The following GFM2 variants were observed in gnomAD, a reference collection of about 807,000 sequenced individuals.
GFM2 encodes the protein GTP dependent ribosome recycling factor mitochondrial 2.
In GFM2, 72 loss-of-function variants were observed where a neutral mutation model predicts 95.4. That is an observed-to-expected ratio of 0.76 (90% CI 0.62 to 0.92). GFM2 has a LOEUF of 0.92. Ranked by LOEUF, GFM2 falls within the 40% of genes least tolerant of loss-of-function variation. GFM2 has a pLI of 0.00. For synonymous variants in GFM2, 276 were observed against 317.5 expected (o/e 0.87, Z 1.39); for missense variants, 825 against 924.1 (o/e 0.89, Z 1.39).
rs749644606 is a variant in GFM2 at position 74,730,388 on chromosome 5, C to T, written c.1598G>A (p.Cys533Tyr). The change falls in exon 17 of 21, where the codon TGT (cysteine) becomes TAT (tyrosine). Residue 533 changes from cysteine to tyrosine, a missense_variant. Coordinates refer to ENST00000296805, the MANE Select transcript of GFM2 (RefSeq NM_032380.5). The part of the protein sequence containing the change: ...LDPDSGQTVL[C>Y]GMGELHIEII... ...CTCTATATGTAACTCCCCCATACCA[C>T]ACAGAACAGTCTGGTTACCAGAGGA... 4 of 1,594,778 alleles carry T rather than the reference C, an allele frequency of 2.5e-6. No homozygotes were observed. The South Asian group carries it at 4.6e-5, about 18-fold the overall frequency.
rs67360841 is a variant in GFM2, at chr5:74,732,927, GACACACAC to G, written c.1587+87_1587+94del. 43,862 of 400,614 alleles carry G rather than the reference GACACACAC, an allele frequency of 0.11. 584 individuals are homozygous for G. Among genetic ancestry groups the G allele is most frequent in the Non-Finnish European group, 0.12 (26,014 of 220,246 alleles). 24.8% of individuals were successfully genotyped at this position (400,614 alleles called of 1,614,324 possible). On this transcript the variant is annotated intron_variant, in intron 16 of 20. Coordinates refer to ENST00000296805, the MANE Select transcript of GFM2 (RefSeq NM_032380.5). Reference sequence around the variant, plus strand: ...TTCAGGACACAGACTTAATGTTTTAGACACACACACACACACACACACACACACACACA... The same window carrying G: ...TTCAGGACACAGACTTAATGTTTTAGACACACACACACACACACACACACA...
At chr5:74,738,228 A>G in intron 14 of GFM2, 90 bp downstream of exon 14, 1 of 913,174 alleles carries the variant, frequency 1.1e-6, no homozygotes. Flanking sequence ...GGACATTTGG[A>G]TTGTTTATGG....
Position 74,751,473 on chromosome 5 carries a change from C to A in GFM2, c.325G>T (p.Val109Leu). ...SLGDVDDGDT[V>L]TDFMAQERER... ...CGCTCTTGGGCCATGAAATCTGTCA[C>A]TGTGTCTCCATCATCAACATCTAGC... The change falls in exon 6 of 21, where the codon GTG becomes TTG. Residue 109 changes from valine to leucine, a missense_variant. Transcript: ENST00000296805. 6.2e-7 allele frequency: 1 copy of A among 1,609,560 alleles called. No individual in the cohort carries two copies. The highest frequency in any genetic ancestry group is 1.3e-5 in the African/African-American group (1 of 74,932).
chr5:74,751,905 T>C (rs889011593), intron 5 of GFM2, among the ~76,000 whole-genome samples: 2 of 152,148 alleles, frequency 1.3e-5, no homozygotes, highest in Non-Finnish European at 2.9e-5. Context: ...TAGCACTCTA[T>C]GATCTTGAGG....
chr5:74,765,128 C>A, intron 1 of GFM2: 1 of 1,229,770 alleles, frequency 8.1e-7, no homozygotes. Context: ...AAGTTCAGGG[C>A]CTCATAGTCT....
At chr5:74,743,522 A>T (rs1389136436) in intron 10 of GFM2, among the ~76,000 whole-genome samples, 8 of 152,172 alleles carry the variant, frequency 5.3e-5, no homozygotes, top group Admixed American at 5.2e-4. Context: ...TTAGCTACTG[A>T]CAGTCTCAGA....
Position 74,726,005 on chromosome 5 carries a change from A to G in GFM2, c.1848T>C (p.Asn616=), listed in dbSNP as rs1323546597. 2 of 1,601,430 alleles carry G rather than the reference A, an allele frequency of 1.2e-6. No homozygotes were observed. Among genetic ancestry groups the G allele is most frequent in the East Asian group, 4.5e-5 (2 of 44,768 alleles). ...CTTGGGAGACCTTCAAAAGGCCTTC[A>G]TTGATACTTTCAGCATACTCAAACT... The part of the protein sequence containing the change: ...VIEFEYAESI[N]EGLLKVSQEA... The change falls in exon 18 of 21, where the codon AAT becomes AAC. Residue 616 remains asparagine, a synonymous_variant. Transcript: ENST00000296805.
chr5:74,741,307 T>C (rs2112275015), intron 11 of GFM2, among the ~76,000 whole-genome samples: 1 of 152,188 alleles, frequency 6.6e-6, no homozygotes, highest in East Asian at 1.9e-4. Flanking sequence ...GTTAAACAGA[T>C]TCAATTTTTA....
Position 74,732,978 on chromosome 5 carries a change from A to ACACACT in GFM2, c.1587+43_1587+44insAGTGTG, listed in dbSNP as rs757708241. ...CACACACACACACACACACACACAC[A>ACACACT]CTCTTATAGAAAGGCTTCTGGAGTT... On this transcript the variant is annotated intron_variant, in intron 16 of 20. Transcript: ENST00000296805. 187 of 946,644 alleles carry ACACACT rather than the reference A, an allele frequency of 2.0e-4. No individual in the cohort carries two copies. The African/African-American group carries it at 2.9e-3, about 15-fold the overall frequency. 58.6% of individuals were successfully genotyped at this position (946,644 alleles called of 1,614,324 possible). A position where few individuals can be genotyped will look rare whatever the true frequency, so the allele number is the denominator to read the frequency against.
chr5:74,760,769 A>G (rs1361611456), intron 3 of GFM2, 133 bp downstream of exon 3: 4 of 667,898 alleles, frequency 6.0e-6, no homozygotes, highest in Non-Finnish European at 1.1e-5. Context: ...CCCGCCCCTA[A>G]TAATCTCAAG....
At position 74,760,949 on chromosome 5, in the gene GFM2, C is replaced by A. The variant is rs1744252984; in HGVS notation, c.101G>T (p.Arg34Ile). Reference sequence around the variant, plus strand: ...TCCAAGCGGCACATGTGGCTTTAATCTTTTTAAACTTGCTCTTATTTTATA... The same window carrying A: ...TCCAAGCGGCACATGTGGCTTTAATATTTTTAAACTTGCTCTTATTTTATA... ...CCYKIRASLK[R>I]LKPHVPLGRN... The change falls in exon 3 of 21, where the codon AGA becomes ATA. Residue 34 changes from arginine to isoleucine, a missense_variant. Physicochemically the swap from Arg to Ile is moderately conservative, Grantham distance 97. Coordinates refer to ENST00000296805, the MANE Select transcript of GFM2 (RefSeq NM_032380.5). 1 of 1,609,946 alleles carries A rather than the reference C, an allele frequency of 6.2e-7. No homozygotes were observed. The highest frequency in any genetic ancestry group is 1.3e-5 in the African/African-American group (1 of 74,790).
At chr5:74,724,088 G>A (rs1473807793) in intron 19 of GFM2, among the ~76,000 whole-genome samples, 2 of 152,150 alleles carry the variant, frequency 1.3e-5, no homozygotes, top group East Asian at 1.9e-4. Flanking sequence ...TCCATTAGGA[G>A]TGTTTTGTTT....
chr5:74,736,101 A>G (rs771101333), intron 15 of GFM2, among the ~76,000 whole-genome samples: 13 of 152,232 alleles, frequency 8.5e-5, no homozygotes, highest in Admixed American at 3.9e-4. Context: ...TGGATCCCTG[A>G]TAACATTGTG....
intron 15 of GFM2, chr5:74,736,588 A>C: frequency 4.3e-6 from 6 of 1,390,484 alleles, no homozygotes; most frequent in East Asian, 2.7e-5. Context: ...TATGAGAAGA[A>C]TGGCCAAGAA....
At chr5:74,728,473 A>G (rs1750250954) in intron 17 of GFM2, among the ~76,000 whole-genome samples, 1 of 152,182 alleles carries the variant, frequency 6.6e-6, no homozygotes, top group South Asian at 2.1e-4. Flanking sequence ...TTGCTGTCTG[A>G]GGGATGGCAA....
At chr5:74,764,051 A>G (rs1744418284) in intron 1 of GFM2, among the ~76,000 whole-genome samples, 1 of 152,244 alleles carries the variant, frequency 6.6e-6, no homozygotes, top group Non-Finnish European at 1.5e-5. Flanking sequence ...TTGAAATTAC[A>G]AAACATTGTA....
At chr5:74,748,715 A>C (rs1248483479) in intron 7 of GFM2, among the ~76,000 whole-genome samples, 1 of 151,434 alleles carries the variant, frequency 6.6e-6, no homozygotes, top group African/African-American at 2.4e-5. Flanking sequence ...AAATACAAAA[A>C]TTAGCCAGGC....
At chr5:74,748,422 A>C (rs2112308449) in intron 7 of GFM2, among the ~76,000 whole-genome samples, 1 of 152,308 alleles carries the variant, frequency 6.6e-6, no homozygotes. Flanking sequence ...TCCTATAAGC[A>C]ACCTGTCTTG....
At chr5:74,730,427 T>A in intron 16 of GFM2, 29 bp from the exon 17 acceptor site, 1 of 1,493,496 alleles carries the variant, frequency 6.7e-7, no homozygotes, top group Non-Finnish European at 9.1e-7. Context: ...AAATAAAAGA[T>A]TAAGGGTAAA....
Sources: allele counts gnomAD v4.1 joint callset (sites outside exome capture counted in the v4.1 genomes callset), GRCh38; gene constraint gnomAD v4.1.1; transcripts MANE v1.5; gene names NCBI Gene and HGNC (gene_info 2026-07-23, HGNC 2026-07-21).